The following COL10A1 variants were observed in gnomAD, a reference collection of about 807,000 sequenced individuals.
COL10A1 encodes collagen alpha-1(X) chain.
A neutral mutation model predicts 18.2 loss-of-function variants in COL10A1; 10 were observed. The observed-to-expected ratio is 0.55, with a 90% confidence interval of 0.34 to 0.93. The LOEUF is 0.93. COL10A1 is among the 40% of genes least tolerant of loss of function. The probability of loss-of-function intolerance (pLI) is 0.02; values close to 1 mark genes in which losing one functional copy is unlikely to be tolerated. For synonymous variants in COL10A1, 330 were observed against 316.6 expected (o/e 1.04, Z -0.45); for missense variants, 897 against 853.5 (o/e 1.05, Z -0.64).
the COL10A1 span, among the ~76,000 whole-genome samples, chr6:116,178,080 TGTGTGTGTGCGCGC>T: frequency 1.8e-5 from 2 of 108,986 alleles, no homozygotes; most frequent in African/African-American, 8.9e-5. Flanking sequence ...TGTGTGTGTG[TGTGTGTGTGCGCGC>T]GCGCGCGCGT....
At chr6:116,198,182 C>A in the COL10A1 span, among the ~76,000 whole-genome samples, 1 of 152,066 alleles carries the variant, frequency 6.6e-6, no homozygotes, top group Admixed American at 6.5e-5. Context: ...AAATTGAGGT[C>A]ACTGAGTAGT....
At chr6:116,152,790 A>G (rs1780079699) in intron 1 of COL10A1, among the ~76,000 whole-genome samples, 1 of 152,060 alleles carries the variant, frequency 6.6e-6, no homozygotes. Flanking sequence ...GCACCATTCC[A>G]TTTTTCTTGA....
chr6:116,130,103 T>G (rs1156731658), upstream of COL10A1, among the ~76,000 whole-genome samples: 1 of 152,120 alleles, frequency 6.6e-6, no homozygotes, highest in East Asian at 1.9e-4. Context: ...ATATTCTGAT[T>G]TTATCATTTG....
At chr6:116,122,577 C>A (rs61248677) in intron 2 of COL10A1, among the ~76,000 whole-genome samples, 7,150 of 152,220 alleles carry the variant, frequency 0.047, 264 homozygotes, top group African/African-American at 0.098. Flanking sequence ...AAAGTTCTTA[C>A]CTAAATACAA....
Position 116,120,785 on chromosome 6 carries a change from G to C in COL10A1, c.1331C>G (p.Ala444Gly), listed in dbSNP as rs577734691. 6.2e-6 allele frequency: 10 copies of C among 1,613,348 alleles called. No individual in the cohort carries two copies. In the East Asian group the frequency reaches 1.3e-4, roughly 22 times the overall value. ...GCCTCTAGTACCTGGTATTCCAGGG[G>C]CACCTCTTGGGCCAGCCTCTCCATT... ...GHNGEAGPRG[A>G]PGIPGTRGPI... Residue 444 changes from alanine to glycine, a missense_variant, in exon 3 of 3, where the codon GCC (alanine) becomes GGC (glycine). Transcript: ENST00000651968.
At chr6:116,179,733 C>A in the COL10A1 span, among the ~76,000 whole-genome samples, 1 of 152,020 alleles carries the variant, frequency 6.6e-6, no homozygotes, top group Non-Finnish European at 1.5e-5. Flanking sequence ...TTATAAGATT[C>A]TGGTTTGATT....
At chr6:116,156,194 G>T (rs1780188951) in intron 1 of COL10A1, among the ~76,000 whole-genome samples, 1 of 152,016 alleles carries the variant, frequency 6.6e-6, no homozygotes, top group Admixed American at 6.6e-5. Flanking sequence ...TAAAATATTT[G>T]CCATTTGTCC....
chr6:116,188,970 T>G, the COL10A1 span, among the ~76,000 whole-genome samples: 1 of 151,942 alleles, frequency 6.6e-6, no homozygotes, highest in Non-Finnish European at 1.5e-5. Context: ...AAATAAAACA[T>G]TATCATTGGC....
At chr6:116,138,081 A>G (rs959436237) in intron 1 of COL10A1, among the ~76,000 whole-genome samples, 4 of 152,182 alleles carry the variant, frequency 2.6e-5, no homozygotes, top group African/African-American at 4.8e-5. Context: ...CTGCTCAAAA[A>G]AAAAGAAAAG....
At chr6:116,128,874 T>C (rs1441306352), upstream of COL10A1, among the ~76,000 whole-genome samples, 1 of 152,202 alleles carries the variant, frequency 6.6e-6, no homozygotes, top group Non-Finnish European at 1.5e-5. Flanking sequence ...ACCTTGTTAA[T>C]ATTAGTTACA....
At chr6:116,170,242 G>T in the COL10A1 span, among the ~76,000 whole-genome samples, 13 of 142,592 alleles carry the variant, frequency 9.1e-5, no homozygotes, top group African/African-American at 2.8e-4. Context: ...AGATTATCTT[G>T]TGTCCCCACC....
the COL10A1 span, among the ~76,000 whole-genome samples, chr6:116,198,365 T>C: frequency 6.6e-6 from 1 of 152,086 alleles, no homozygotes; most frequent in Non-Finnish European, 1.5e-5. Flanking sequence ...TATATGTAAC[T>C]GTGCTCATGC....
chr6:116,177,525 A>G, the COL10A1 span, among the ~76,000 whole-genome samples: 5 of 152,180 alleles, frequency 3.3e-5, no homozygotes, highest in Admixed American at 6.5e-5. Flanking sequence ...ACTAAGTACT[A>G]AATGTAAAAT....
chr6:116,167,762 G>A, the COL10A1 span, among the ~76,000 whole-genome samples: 27,299 of 152,112 alleles, frequency 0.18, 3,270 homozygotes, highest in Middle Eastern at 0.33. Context: ...GGATAATTAC[G>A]TTGCATAGCC....
chr6:116,142,758 T>G (rs966437226), intron 1 of COL10A1, among the ~76,000 whole-genome samples: 2 of 152,200 alleles, frequency 1.3e-5, no homozygotes, highest in Non-Finnish European at 1.5e-5. Context: ...TTTTCTTGTT[T>G]CTTTTTGTTT....
At chr6:116,128,464 T>C (rs1010194721), upstream of COL10A1, among the ~76,000 whole-genome samples, 1 of 152,206 alleles carries the variant, frequency 6.6e-6, no homozygotes, top group African/African-American at 2.4e-5. Context: ...AGCCATACTC[T>C]TTAAACTCTA....
At chr6:116,172,686 A>G in the COL10A1 span, among the ~76,000 whole-genome samples, 4 of 152,172 alleles carry the variant, frequency 2.6e-5, no homozygotes, top group Non-Finnish European at 4.4e-5. Context: ...CAGATAACAT[A>G]TATTATTTAA....
the COL10A1 span, among the ~76,000 whole-genome samples, chr6:116,189,589 T>C: frequency 6.6e-6 from 1 of 152,026 alleles, no homozygotes; most frequent in Non-Finnish European, 1.5e-5. Context: ...TGGTTCTCTA[T>C]AGTTCTTGTG....
upstream of COL10A1, among the ~76,000 whole-genome samples, chr6:116,130,505 A>G (rs1434591574): frequency 6.6e-6 from 1 of 151,966 alleles, no homozygotes; most frequent in South Asian, 2.1e-4. Context: ...GCCCAGATCT[A>G]CAATAAGACA....
Sources: allele counts gnomAD v4.1 joint callset (sites outside exome capture counted in the v4.1 genomes callset), GRCh38; gene constraint gnomAD v4.1.1; transcripts MANE v1.5; gene names NCBI Gene and HGNC (gene_info 2026-07-23, HGNC 2026-07-21).